GRM8: variants seen among roughly 807,000 people sequenced by gnomAD.
GRM8 encodes the protein glutamate metabotropic receptor 8.
In GRM8, 47 loss-of-function variants were observed where a neutral mutation model predicts 87.2. That is an observed-to-expected ratio of 0.54 (90% confidence interval 0.43 to 0.69). GRM8 has a LOEUF of 0.69. Among genes scored for constraint, GRM8 ranks in the 30% least tolerant of loss-of-function variants. The pLI is 0.00. For synonymous variants in GRM8, 396 were observed against 404.5 expected, an observed-to-expected ratio of 0.98 and a Z score of 0.25; for missense variants, 1,019 against 1,139.2, an observed-to-expected ratio of 0.89 and a Z score of 1.52.
intron 3 of GRM8, among the ~76,000 whole-genome samples, chr7:127,085,548 C>A (rs1192367618): frequency 6.6e-5 from 10 of 152,218 alleles, no homozygotes; most frequent in Non-Finnish European, 1.5e-4. Context: ...ATTTGCATTT[C>A]TCTGATGACC....
chr7:126,969,937 C>T (rs1288760513), intron 3 of GRM8, among the ~76,000 whole-genome samples: 1 of 152,084 alleles, frequency 6.6e-6, no homozygotes, highest in Non-Finnish European at 1.5e-5. Flanking sequence ...TTGTGTATGT[C>T]CATCTGAGCC....
At chr7:126,822,971 A>AT (rs1192301995) in intron 6 of GRM8, among the ~76,000 whole-genome samples, 9 of 152,220 alleles carry the variant, frequency 5.9e-5, no homozygotes, top group Non-Finnish European at 1.2e-4. Context: ...GGAATTACAA[A>AT]TGGAACAGAT....
At chr7:126,768,320 C>G (rs1451615514) in intron 7 of GRM8, among the ~76,000 whole-genome samples, 1 of 109,858 alleles carries the variant, frequency 9.1e-6, no homozygotes, top group Non-Finnish European at 1.7e-5. Context: ...GTCCTAAAAA[C>G]AAGCACAGCA....
At chr7:126,700,960 A>G (rs769525268) in intron 7 of GRM8, among the ~76,000 whole-genome samples, 14 of 152,054 alleles carry the variant, frequency 9.2e-5, no homozygotes, top group Non-Finnish European at 2.1e-4. Context: ...TTGCCTCATT[A>G]CTTGATCCCT....
Position 126,528,797 on chromosome 7 carries a change from A to T in GRM8, c.2430+4155T>A, listed in dbSNP as rs144244389. ...TTGGAATTTGTATTGTCCAGGGGGAACTCATTACCACCTATAGATACATAG... is the reference window on the plus strand; with the variant it reads ...TTGGAATTTGTATTGTCCAGGGGGATCTCATTACCACCTATAGATACATAG... On this transcript the variant is annotated intron_variant, in intron 9 of 10. Transcript: ENST00000339582. Among the ~76,000 whole-genome samples the T allele has an allele frequency of 7.2e-5, 11 of 152,026 alleles. No individual in the cohort carries two copies. The East Asian group carries it at 2.1e-3, about 29-fold the overall frequency.
rs1352141029 is a variant in GRM8 at position 126,457,076 on chromosome 7, CCT to C, written c.2431-10706_2431-10705del. ...GGACTGGAATGTGTCTGTGTGTGTGCCTGTGTGTGTGTGTATTGAAGTCAAAA... is the reference window on the plus strand; with the variant it reads ...GGACTGGAATGTGTCTGTGTGTGTGCGTGTGTGTGTGTATTGAAGTCAAAA... On this transcript the variant is annotated intron_variant, in intron 9 of 10. Transcript: ENST00000339582. 4.0e-5 allele frequency among the ~76,000 whole-genome samples: 6 copies of C among 149,978 alleles called. No individual in the cohort carries two copies. In the East Asian group the frequency reaches 7.9e-4, roughly 20 times the overall value.
At chr7:127,213,682 C>T (rs1168748646) in intron 2 of GRM8, among the ~76,000 whole-genome samples, 2 of 152,114 alleles carry the variant, frequency 1.3e-5, no homozygotes, top group Admixed American at 1.3e-4. Context: ...ATTTATCTTC[C>T]AAATCACTGA....
At chr7:126,455,853 G>A (rs987891754) in intron 9 of GRM8, among the ~76,000 whole-genome samples, 5 of 151,496 alleles carry the variant, frequency 3.3e-5, no homozygotes, top group African/African-American at 1.2e-4. Context: ...CAGATGAACT[G>A]ACAACCAAGA....
chr7:127,149,206 A>G (rs1828714973), intron 2 of GRM8, among the ~76,000 whole-genome samples: 1 of 152,100 alleles, frequency 6.6e-6, no homozygotes, highest in Non-Finnish European at 1.5e-5. Flanking sequence ...TAAAATGTAT[A>G]AAGAATTCAT....
At chr7:126,810,369 T>C (rs1368496504) in intron 6 of GRM8, among the ~76,000 whole-genome samples, 4 of 152,246 alleles carry the variant, frequency 2.6e-5, no homozygotes, top group Admixed American at 1.3e-4. Flanking sequence ...TCTGGACAGG[T>C]TGAGGTTTAA....
At chr7:127,176,573 A>G (rs1213895483) in intron 2 of GRM8, among the ~76,000 whole-genome samples, 1 of 152,186 alleles carries the variant, frequency 6.6e-6, no homozygotes, top group Non-Finnish European at 1.5e-5. Flanking sequence ...TACAAACCAA[A>G]AATCCCAAGA....
chr7:126,534,538 T>C (rs1284928202), intron 8 of GRM8, among the ~76,000 whole-genome samples: 1 of 152,224 alleles, frequency 6.6e-6, no homozygotes, highest in African/African-American at 2.4e-5. Context: ...AATGTTTTTT[T>C]TACTGAACGA....
intron 6 of GRM8, among the ~76,000 whole-genome samples, chr7:126,816,041 C>A (rs1473897481): frequency 6.6e-6 from 1 of 151,796 alleles, no homozygotes; most frequent in African/African-American, 2.4e-5. Flanking sequence ...ATGAAAATAG[C>A]ACTCTAATGC....
At chr7:126,674,437 A>G (rs1187395523) in intron 7 of GRM8, among the ~76,000 whole-genome samples, 1 of 152,214 alleles carries the variant, frequency 6.6e-6, no homozygotes, top group Non-Finnish European at 1.5e-5. Context: ...CTATACTCAA[A>G]GCATCTTAAT....
chr7:126,759,267 G>A (rs1467394434), intron 7 of GRM8, among the ~76,000 whole-genome samples: 1 of 151,996 alleles, frequency 6.6e-6, no homozygotes, highest in Non-Finnish European at 1.5e-5. Flanking sequence ...CAGATTTAAA[G>A]AGAAAAAATA....
chr7:126,843,457 C>T (rs1174296347), intron 6 of GRM8, among the ~76,000 whole-genome samples: 1 of 152,188 alleles, frequency 6.6e-6, no homozygotes, highest in African/African-American at 2.4e-5. Flanking sequence ...TCTAGTGAGA[C>T]ATTTTTAACC....
At chr7:126,689,773 T>C (rs923739892) in intron 7 of GRM8, among the ~76,000 whole-genome samples, 1 of 152,240 alleles carries the variant, frequency 6.6e-6, no homozygotes, top group African/African-American at 2.4e-5. Context: ...TATATATACA[T>C]ATACAGTTTA....
intron 6 of GRM8, among the ~76,000 whole-genome samples, chr7:126,866,580 ATTTTTTTTTTTTTTTT>A (rs59013947): frequency 2.9e-5 from 2 of 68,028 alleles, no homozygotes; most frequent in Non-Finnish European, 5.1e-5. Flanking sequence ...CTTTGACTCA[ATTTTTTTTTTTTTTTT>A]TTTTTTTTTT....
At chr7:126,752,226 T>G (rs748740385) in intron 7 of GRM8, among the ~76,000 whole-genome samples, 36 of 151,966 alleles carry the variant, frequency 2.4e-4, no homozygotes, top group Non-Finnish European at 4.4e-4. Context: ...AAGTCTTGAG[T>G]TCAAGGCAGT....
Sources: allele counts gnomAD v4.1 joint callset (sites outside exome capture counted in the v4.1 genomes callset), GRCh38; gene constraint gnomAD v4.1.1; transcripts MANE v1.5; gene names NCBI Gene and HGNC (gene_info 2026-07-23, HGNC 2026-07-21).